XPO4: variants seen among roughly 807,000 people sequenced by gnomAD.
The protein encoded by XPO4 is exportin-4.
A neutral mutation model predicts 143.0 loss-of-function variants in XPO4; 39 were observed. The ratio of observed to expected loss-of-function variants is 0.27; its 90% CI spans 0.21 to 0.36. The LOEUF is 0.36. Ranked by LOEUF, XPO4 falls within the 10% of genes least tolerant of loss-of-function variation. The pLI, the probability that XPO4 is intolerant of heterozygous loss-of-function variation, is 1.00. For synonymous variants in XPO4, 439 were observed against 474.0 expected (o/e 0.93, Z 0.96); for missense variants, 907 against 1,348.0 (o/e 0.67, Z 5.12).
At chr13:20,823,493 C>T (rs865963247) in intron 7 of XPO4, among the ~76,000 whole-genome samples, 1 of 151,706 alleles carries the variant, frequency 6.6e-6, no homozygotes, top group Non-Finnish European at 1.5e-5. Flanking sequence ...ACTCTTTGGA[C>T]TAGAACAAAC....
rs751697179 is a variant in XPO4, at chr13:20,790,445, T to C, written c.2916+17A>G. 7.6e-6 allele frequency: 12 copies of C among 1,579,954 alleles called. No homozygotes were observed. Among genetic ancestry groups the C allele is most frequent in the Non-Finnish European group, 9.6e-6 (11 of 1,149,072 alleles). On this transcript the variant is annotated intron_variant, in intron 19 of 22. Transcript: ENST00000255305. The stretch of plus-strand genomic sequence containing the variant: ...GTTACACATAGTGGTATGTTCACAT[T>C]CAATTTCATTAATTACCTTCAAGAG...
At chr13:20,797,119 G>T (rs1049673920) in intron 16 of XPO4, 62 bp from the exon 17 acceptor site, 1 of 1,450,992 alleles carries the variant, frequency 6.9e-7, no homozygotes, top group Non-Finnish European at 9.2e-7. Context: ...TCCTCTGCTT[G>T]GATACATATT....
chr13:20,778,106 AC>A lies in XPO4; in HGVS notation c.*5615del, dbSNP rs2141451818. Reference sequence around the variant, plus strand: ...CAACCGAATTGTATTTTTGGAGAGCACCATTAAAGATGTCTTTTAAAAAACA... The same window carrying A: ...CAACCGAATTGTATTTTTGGAGAGCACATTAAAGATGTCTTTTAAAAAACA... On this transcript the variant is annotated 3_prime_UTR_variant, in exon 23 of 23. Coordinates refer to ENST00000255305, the MANE Select transcript of XPO4 (RefSeq NM_022459.5). 1 of 152,312 alleles carries A rather than the reference AC, an allele frequency of 6.6e-6. No individual in the cohort carries two copies. The highest frequency in any genetic ancestry group is 1.9e-4 in the East Asian group (1 of 5,186). 9.4% of individuals were successfully genotyped at this position (152,312 alleles called of 1,614,324 possible).
Position 20,783,806 on chromosome 13 carries a change from C to A in XPO4, c.3372G>T (p.Thr1124=). Reference sequence around the variant, plus strand: ...AGGCCATCTTCTGCTTCCGATCCAGCGTAGGAGGAGTGCTGCTTGCAGTGA... The same window carrying A: ...AGGCCATCTTCTGCTTCCGATCCAGAGTAGGAGGAGTGCTGCTTGCAGTGA... ...NKLTASSTPP[T]LDRKQKMAFL... Residue 1124 remains threonine, a synonymous_variant, in exon 23 of 23, where the codon ACG becomes ACT. Coordinates refer to ENST00000255305, the MANE Select transcript of XPO4 (RefSeq NM_022459.5). The A allele has an allele frequency of 6.2e-7, 1 of 1,614,200 alleles. No individual in the cohort carries two copies. Among genetic ancestry groups the A allele is most frequent in the Non-Finnish European group, 8.5e-7 (1 of 1,180,042 alleles).
rs186042767 is a variant in XPO4 at position 20,845,058 on chromosome 13, A to C, written c.457-1172T>G. Reference sequence around the variant, plus strand: ...CATGATGGCAGGCACCTGTAGTCTCAGCTACTTGGGACACCAAGGCAGGAG... The same window carrying C: ...CATGATGGCAGGCACCTGTAGTCTCCGCTACTTGGGACACCAAGGCAGGAG... On this transcript the variant is annotated intron_variant, in intron 4 of 22. Coordinates refer to ENST00000255305, the MANE Select transcript of XPO4 (RefSeq NM_022459.5). Among the ~76,000 whole-genome samples the C allele has an allele frequency of 3.6e-3, 550 of 152,342 alleles. 3 individuals carry two copies. The highest frequency in any genetic ancestry group is 6.8e-3 in the Middle Eastern group (2 of 294).
At chr13:20,859,369 A>C (rs111976996) in intron 3 of XPO4, among the ~76,000 whole-genome samples, 1 of 152,126 alleles carries the variant, frequency 6.6e-6, no homozygotes. Context: ...GGTAGGCTGA[A>C]GCAGGCGGAT....
At chr13:20,894,848 GAAAA>G in intron 1 of XPO4, among the ~76,000 whole-genome samples, 1 of 114,840 alleles carries the variant, frequency 8.7e-6, no homozygotes, top group Non-Finnish European at 1.7e-5. Context: ...TCATCTCAAA[GAAAA>G]AAAAAAAAAA....
chr13:20,878,840 T>C (rs2060379242), intron 1 of XPO4, among the ~76,000 whole-genome samples: 1 of 152,210 alleles, frequency 6.6e-6, no homozygotes, highest in African/African-American at 2.4e-5. Flanking sequence ...GAGGTAGGCA[T>C]ATGAATGTAA....
At chr13:20,887,975 G>C (rs1297900304) in intron 1 of XPO4, among the ~76,000 whole-genome samples, 2 of 152,024 alleles carry the variant, frequency 1.3e-5, no homozygotes. Context: ...AGGAGATCAA[G>C]ACCAGTCTGG....
At chr13:20,893,922 C>T (rs2060543521) in intron 1 of XPO4, among the ~76,000 whole-genome samples, 1 of 152,178 alleles carries the variant, frequency 6.6e-6, no homozygotes, top group Non-Finnish European at 1.5e-5. Context: ...TGGCTCACTG[C>T]ATTCTCCGCC....
At chr13:20,820,289 G>A (rs552934144) in intron 9 of XPO4, among the ~76,000 whole-genome samples, 5 of 152,312 alleles carry the variant, frequency 3.3e-5, no homozygotes, top group African/African-American at 9.6e-5. Context: ...CAAGATGTCA[G>A]TGTCCTCAAA....
intron 4 of XPO4, chr13:20,849,611 A>C: frequency 1.0e-6 from 1 of 985,408 alleles, no homozygotes; most frequent in Non-Finnish European, 1.2e-6. Context: ...TTATGGAAGG[A>C]AAACATCATA....
At chr13:20,809,646 A>G in intron 10 of XPO4, 145 bp downstream of exon 10, 1 of 810,352 alleles carries the variant, frequency 1.2e-6, no homozygotes, top group Non-Finnish European at 1.8e-6. Context: ...TTTTAATAAG[A>G]ACTCAGAGAA....
Position 20,800,014 on chromosome 13 carries a change from C to T in XPO4, c.2147+142G>A. On this transcript the variant is annotated intron_variant, in intron 15 of 22. Coordinates refer to ENST00000255305, the MANE Select transcript of XPO4 (RefSeq NM_022459.5). ...TAGTACTGTGACATAGTTTTTAAAA[C>T]CCATTACTCCAAAAATGTAGGCTCT... The T allele has an allele frequency of 5.6e-6, 5 of 895,010 alleles. No individual in the cohort carries two copies. In the Admixed American group the frequency reaches 9.7e-5, roughly 17 times the overall value. The allele number at this position is 895,010 out of a possible 1,614,324, so 55.4% of individuals were successfully genotyped here.
rs1306904526 is a variant in XPO4, at chr13:20,800,217, CACT to C, written c.2083_2085del (p.Ser695del). 1.2e-6 allele frequency: 2 copies of C among 1,614,030 alleles called. No homozygotes were observed. Among genetic ancestry groups the C allele is most frequent in the Non-Finnish European group, 1.7e-6 (2 of 1,180,030 alleles). Reference sequence around the variant, plus strand: ...ACAGTGTCATTTGCAAGGTCCTGCTCACTACTCCAGACTGAGAGGTTACTGATG... The same window carrying C: ...ACAGTGTCATTTGCAAGGTCCTGCTCACTCCAGACTGAGAGGTTACTGATG... On this transcript the variant is annotated inframe_deletion, in exon 15 of 23. Transcript: ENST00000255305.
Position 20,829,504 on chromosome 13 carries a change from T to C in XPO4, c.728-2325A>G, listed in dbSNP as rs926138933. On this transcript the variant is annotated intron_variant, in intron 6 of 22. Coordinates refer to ENST00000255305, the MANE Select transcript of XPO4 (RefSeq NM_022459.5). ...TGGCCCCAAAGCTGACCATTTACCA[T>C]TTTAGTAGCTAGCAGATGTGTGATC... Among the ~76,000 whole-genome samples, 10 of 152,242 alleles carry C rather than the reference T, an allele frequency of 6.6e-5. No individual in the cohort carries two copies. The East Asian group carries it at 1.5e-3, about 23-fold the overall frequency.
At chr13:20,862,233 A>C (rs1566613817) in intron 3 of XPO4, among the ~76,000 whole-genome samples, 2 of 152,210 alleles carry the variant, frequency 1.3e-5, no homozygotes, top group Non-Finnish European at 2.9e-5. Flanking sequence ...CAAAAGAACA[A>C]GTAAATATAA....
At chr13:20,898,068 T>TA (rs1267863454) in intron 1 of XPO4, among the ~76,000 whole-genome samples, 2 of 152,190 alleles carry the variant, frequency 1.3e-5, no homozygotes, top group Non-Finnish European at 2.9e-5. Context: ...TTCTCATTTA[T>TA]AAGGTTTAGG....
chr13:20,795,631 C>G (rs1233915105), intron 18 of XPO4, among the ~76,000 whole-genome samples: 1 of 152,086 alleles, frequency 6.6e-6, no homozygotes, highest in Non-Finnish European at 1.5e-5. Flanking sequence ...TCTGGGGTGG[C>G]CACCGTGAGG....
Sources: allele counts gnomAD v4.1 joint callset (sites outside exome capture counted in the v4.1 genomes callset), GRCh38; gene constraint gnomAD v4.1.1; transcripts MANE v1.5; gene names NCBI Gene and HGNC (gene_info 2026-07-23, HGNC 2026-07-21).